HK1: variants seen among roughly 807,000 people sequenced by gnomAD.
HK1 encodes hexokinase 1, also known as hexokinase-1.
In HK1, 28 loss-of-function variants were observed where a neutral mutation model predicts 91.6. The ratio of observed to expected loss-of-function variants is 0.31; its 90% CI spans 0.23 to 0.42. The LOEUF (loss-of-function observed/expected upper bound fraction) is 0.42. HK1 is among the 10% of genes least tolerant of loss of function. The pLI is 1.00. For synonymous variants in HK1, 430 were observed against 468.1 expected (o/e 0.92, Z 1.05); for missense variants, 770 against 1,219.8 (o/e 0.63, Z 5.49).
chr10:69,308,827 A>C (rs1455089183), intron 5 of HK1, among the ~76,000 whole-genome samples: 2 of 152,182 alleles, frequency 1.3e-5, no homozygotes, highest in Non-Finnish European at 2.9e-5. Context: ...AGCAGTTCAC[A>C]ATAGGGTTTG....
In HK1 at chr10:69,304,391, T is replaced by G. The variant is rs548298595; in HGVS notation, c.27+3530T>G. ...GGCCCAGTCTCGGCTCACTGCAACCTCTGCCTCCTGGATTCAAGCGATTCT... is the reference window on the plus strand; with the variant it reads ...GGCCCAGTCTCGGCTCACTGCAACCGCTGCCTCCTGGATTCAAGCGATTCT... On this transcript the variant is annotated intron_variant, in intron 5 of 21. Coordinates refer to the HK1 transcript ENST00000360289. Among the ~76,000 whole-genome samples, 26 of 152,168 alleles carry G rather than the reference T, an allele frequency of 1.7e-4. 1 individual carries two copies. The South Asian group carries it at 3.7e-3, about 22-fold the overall frequency.
intron 13 of HK1, among the ~76,000 whole-genome samples, chr10:69,387,787 G>A (rs1004020903): frequency 2.0e-5 from 3 of 151,948 alleles, no homozygotes; most frequent in South Asian, 2.1e-4. Flanking sequence ...TTTGGCTGGA[G>A]GACATTGAAA....
intron 8 of HK1, among the ~76,000 whole-genome samples, chr10:69,378,561 A>G (rs1394096061): frequency 5.9e-5 from 9 of 152,226 alleles, no homozygotes; most frequent in African/African-American, 9.6e-5. Flanking sequence ...CAAAATATCT[A>G]CAGACAAATG....
intron 15 of HK1, 45 bp from the exon 16 acceptor site, chr10:69,394,905 C>G (rs762812137): frequency 6.2e-7 from 1 of 1,607,224 alleles, no homozygotes; most frequent in South Asian, 1.1e-5. Context: ...GACAGTTCTC[C>G]TGGCCACTTC....
intron 3 of HK1, among the ~76,000 whole-genome samples, chr10:69,363,755 C>T (rs7905243): frequency 0.016 from 2,384 of 152,300 alleles, 75 homozygotes; most frequent in African/African-American, 0.054. Flanking sequence ...AGCCTCTCCT[C>T]ATGGGCAGTA....
chr10:69,276,519 T>A (rs889990397), intron 1 of HK1, among the ~76,000 whole-genome samples: 1 of 151,508 alleles, frequency 6.6e-6, no homozygotes, highest in Non-Finnish European at 1.5e-5. Context: ...ATTAGCCGGG[T>A]GTGGTAGTGC....
intron 1 of HK1, among the ~76,000 whole-genome samples, chr10:69,333,949 A>G (rs971456318): frequency 6.6e-6 from 1 of 152,076 alleles, no homozygotes; most frequent in South Asian, 2.1e-4. Context: ...TGTCTCTACT[A>G]AAAATACAAA....
rs2132718906 is a variant in HK1, at chr10:69,351,436, G to A, written c.226+7447G>A. On this transcript the variant is annotated intron_variant, in intron 2 of 17. Coordinates refer to ENST00000359426, the MANE Select transcript of HK1 (RefSeq NM_000188.3). ...AGGCAAGAGAATCGCTTGAACCCCGGAGGCGGAGGTTGCAGTGAGCCGAGA... is the reference window on the plus strand; with the variant it reads ...AGGCAAGAGAATCGCTTGAACCCCGAAGGCGGAGGTTGCAGTGAGCCGAGA... Among the ~76,000 whole-genome samples the A allele has an allele frequency of 1.3e-5, 2 of 152,280 alleles. 1 individual carries two copies. The highest frequency in any genetic ancestry group is 4.1e-4 in the South Asian group (2 of 4,828).
intron 3 of HK1, among the ~76,000 whole-genome samples, chr10:69,294,122 A>G (rs1344090325): frequency 1.3e-5 from 2 of 151,862 alleles, no homozygotes; most frequent in African/African-American, 2.4e-5. Context: ...CGGCCTCCCA[A>G]AGTGCTGGGA....
intron 16 of HK1, among the ~76,000 whole-genome samples, chr10:69,395,985 G>A (rs1203590521): frequency 1.3e-5 from 2 of 152,072 alleles, no homozygotes; most frequent in Non-Finnish European, 2.9e-5. Flanking sequence ...CGTAGGCTCT[G>A]TGTAGGCTGG....
intron 8 of HK1, among the ~76,000 whole-genome samples, chr10:69,378,492 C>CA (rs1208500433): frequency 1.3e-5 from 2 of 151,930 alleles, no homozygotes; most frequent in African/African-American, 4.8e-5. Context: ...GTATGAGAAT[C>CA]AAAAAAGAAG....
At chr10:69,286,852 G>A (rs1339888583) in intron 2 of HK1, among the ~76,000 whole-genome samples, 1 of 152,126 alleles carries the variant, frequency 6.6e-6, no homozygotes, top group African/African-American at 2.4e-5. Context: ...GAGGCGCCTG[G>A]CCTCATGCTT....
intron 2 of HK1, among the ~76,000 whole-genome samples, chr10:69,283,124 CAAAAAAA>C (rs34547808): frequency 0.033 from 2,012 of 60,888 alleles, 61 homozygotes; most frequent in African/African-American, 0.13. Context: ...AACTCAGTTT[CAAAAAAA>C]AAAAAAAAAA....
At chr10:69,293,942 A>G (rs373314129) in intron 3 of HK1, among the ~76,000 whole-genome samples, 83 of 146,028 alleles carry the variant, frequency 5.7e-4, no homozygotes, top group African/African-American at 2.0e-3. Flanking sequence ...GCTCACTGCA[A>G]GCTCCGCCTC....
intron 14 of HK1, 66 bp downstream of exon 14, chr10:69,389,362 C>A: frequency 8.3e-7 from 1 of 1,204,908 alleles, no homozygotes; most frequent in East Asian, 2.5e-5. Context: ...TTTTGTGGGG[C>A]CTTGGCCCAG....
At chr10:69,297,352 G>T (rs1329660824) in intron 4 of HK1, among the ~76,000 whole-genome samples, 1 of 152,174 alleles carries the variant, frequency 6.6e-6, no homozygotes, top group East Asian at 1.9e-4. Context: ...GGAGGGCTTA[G>T]TCTTGCTGTC....
chr10:69,337,769 A>G (rs1848063980), intron 1 of HK1, among the ~76,000 whole-genome samples: 1 of 152,220 alleles, frequency 6.6e-6, no homozygotes, highest in African/African-American at 2.4e-5. Context: ...GTTCTGCAGC[A>G]TTCTCGATCC....
chr10:69,395,886 CTG>C (rs1028368017), intron 16 of HK1, among the ~76,000 whole-genome samples: 1 of 152,232 alleles, frequency 6.6e-6, no homozygotes, highest in African/African-American at 2.4e-5. Context: ...CTAAGGCACG[CTG>C]TGTGAGAAGG....
At chr10:69,299,654 G>A (rs1051577589) in intron 4 of HK1, among the ~76,000 whole-genome samples, 1 of 147,102 alleles carries the variant, frequency 6.8e-6, no homozygotes, top group Non-Finnish European at 1.5e-5. Flanking sequence ...GTGAGCCACC[G>A]CGCCCAGCTT....
Sources: allele counts gnomAD v4.1 joint callset (sites outside exome capture counted in the v4.1 genomes callset), GRCh38; gene constraint gnomAD v4.1.1; transcripts MANE v1.5; gene names NCBI Gene and HGNC (gene_info 2026-07-23, HGNC 2026-07-21).